The following FRMD4B variants were observed in gnomAD, a reference collection of about 807,000 sequenced individuals.
The protein encoded by FRMD4B is FERM domain-containing protein 4B.
FRMD4B carries 74 observed loss-of-function variants against 141.5 expected under a neutral mutation model. The observed-to-expected ratio is 0.52, with a 90% confidence interval of 0.43 to 0.63. FRMD4B has a LOEUF of 0.63. Among genes scored for constraint, FRMD4B ranks in the 30% least tolerant of loss-of-function variants. The pLI, the probability that FRMD4B is intolerant of heterozygous loss-of-function variation, is 0.00. For missense variants in FRMD4B, 1,366 were observed against 1,253.4 expected (o/e 1.09, Z -1.36); for synonymous variants, 506 against 467.9 (o/e 1.08, Z -1.05).
intron 1 of FRMD4B, among the ~76,000 whole-genome samples, chr3:69,338,703 G>A (rs749553903): frequency 6.6e-6 from 1 of 151,924 alleles, no homozygotes; most frequent in African/African-American, 2.4e-5. Context: ...GTAGGAGGAG[G>A]GTGAGGATCA....
chr3:69,465,350 C>T (rs1259803155), intron 1 of FRMD4B, among the ~76,000 whole-genome samples: 1 of 149,966 alleles, frequency 6.7e-6, no homozygotes, highest in East Asian at 2.0e-4. Flanking sequence ...TCAGGAAATA[C>T]AGAATTCCAT....
intron 17 of FRMD4B, 51 bp downstream of exon 17, chr3:69,193,597 A>G (rs2107642626): frequency 1.0e-6 from 1 of 966,438 alleles, no homozygotes; most frequent in African/African-American, 1.7e-5. Flanking sequence ...GCTATATACC[A>G]TGAAGTACTG....
At chr3:69,530,221 C>T (rs1700991881) in intron 1 of FRMD4B, among the ~76,000 whole-genome samples, 1 of 152,196 alleles carries the variant, frequency 6.6e-6, no homozygotes, top group Admixed American at 6.5e-5. Context: ...TTGTTTGTCC[C>T]CACCAAATCT....
At chr3:69,477,183 G>A (rs1401516043) in intron 1 of FRMD4B, among the ~76,000 whole-genome samples, 1 of 152,062 alleles carries the variant, frequency 6.6e-6, no homozygotes, top group Non-Finnish European at 1.5e-5. Context: ...TTTCCTAATT[G>A]AATACCCTTT....
chr3:69,434,195 A>C (rs1705225263), intron 1 of FRMD4B, among the ~76,000 whole-genome samples: 1 of 152,228 alleles, frequency 6.6e-6, no homozygotes, highest in Non-Finnish European at 1.5e-5. Context: ...CAAAGACTAC[A>C]CAGCTGCTGT....
chr3:69,171,569 G>A lies in FRMD4B; in HGVS notation c.*292C>T. 4.0e-6 allele frequency: 1 copy of A among 251,412 alleles called. No homozygotes were observed. Among genetic ancestry groups the A allele is most frequent in the South Asian group, 7.8e-5 (1 of 12,848 alleles). The allele number at this position is 251,412 out of a possible 1,614,324, so 15.6% of individuals were successfully genotyped here. On this transcript the variant is annotated 3_prime_UTR_variant, in exon 23 of 23. Transcript: ENST00000398540. ...AACAACTTTTACTCCCTTAAAAAGT[G>A]CTTGCTATTGATGAAGGCTTCACAC...
intron 2 of FRMD4B, among the ~76,000 whole-genome samples, chr3:69,397,751 G>A (rs1159269367): frequency 6.6e-6 from 1 of 151,454 alleles, no homozygotes; most frequent in Non-Finnish European, 1.5e-5. Context: ...AATTAGTACA[G>A]GGTTTTTTTT....
chr3:69,484,347 G>A (rs774115102), intron 1 of FRMD4B, among the ~76,000 whole-genome samples: 4 of 152,134 alleles, frequency 2.6e-5, no homozygotes, highest in Non-Finnish European at 5.9e-5. Flanking sequence ...AATTCTACCA[G>A]GTGCTATTAT....
chr3:69,265,185 G>A (rs1251052893), intron 5 of FRMD4B, among the ~76,000 whole-genome samples: 1 of 138,094 alleles, frequency 7.2e-6, no homozygotes, highest in African/African-American at 2.7e-5. Context: ...AACCCAGGAG[G>A]TGGAGCTTGC....
In FRMD4B at chr3:69,198,992, C is replaced by T. The variant is rs763828954; in HGVS notation, c.877-218G>A. ...TTTAACTATTAAGATTCACCTCGGC[C>T]GGGCGCGGTGGCTCACGCCTGTAAT... On this transcript the variant is annotated intron_variant, in intron 11 of 22. Coordinates refer to ENST00000398540, the MANE Select transcript of FRMD4B (RefSeq NM_015123.3). 21 of 498,484 alleles carry T rather than the reference C, an allele frequency of 4.2e-5. 1 individual carries two copies. Among genetic ancestry groups the T allele is most frequent in the South Asian group, 1.8e-4 (8 of 44,004 alleles). 30.9% of individuals were successfully genotyped at this position (498,484 alleles called of 1,614,324 possible).
chr3:69,399,448 C>T (rs1158106047), intron 2 of FRMD4B, among the ~76,000 whole-genome samples: 3 of 152,130 alleles, frequency 2.0e-5, no homozygotes, highest in Non-Finnish European at 4.4e-5. Flanking sequence ...ATTCTATCTG[C>T]GGTGAAGTCT....
chr3:69,441,208 T>C (rs569133389), intron 1 of FRMD4B, among the ~76,000 whole-genome samples: 180 of 152,352 alleles, frequency 1.2e-3, no homozygotes, highest in Non-Finnish European at 2.3e-3. Flanking sequence ...TCCTGGACTT[T>C]TATTGTATGT....
intron 1 of FRMD4B, chr3:69,432,860 C>T (rs1255568011): frequency 6.6e-6 from 1 of 152,184 alleles, no homozygotes; most frequent in Non-Finnish European, 1.5e-5. Flanking sequence ...TTCTAATTTT[C>T]CCCTGGCTGA....
intron 5 of FRMD4B, among the ~76,000 whole-genome samples, chr3:69,264,586 A>G (rs1278769358): frequency 6.6e-6 from 1 of 152,192 alleles, no homozygotes; most frequent in Non-Finnish European, 1.5e-5. Context: ...CTAGACAGCA[A>G]TTCTAGATAA....
intron 7 of FRMD4B, among the ~76,000 whole-genome samples, chr3:69,247,957 A>G (rs1454809239): frequency 4.9e-5 from 7 of 142,678 alleles, no homozygotes; most frequent in Non-Finnish European, 1.1e-4. Flanking sequence ...CCACCCAGCT[A>G]ATTTTTATAT....
intron 1 of FRMD4B, among the ~76,000 whole-genome samples, chr3:69,473,231 C>T (rs900348876): frequency 6.6e-6 from 1 of 151,964 alleles, no homozygotes; most frequent in Non-Finnish European, 1.5e-5. Flanking sequence ...TACTCCATAC[C>T]TCCAGCAAGC....
chr3:69,386,140 T>A, upstream of FRMD4B: 1 of 699,982 alleles, frequency 1.4e-6, no homozygotes, highest in Non-Finnish European at 2.3e-6. Context: ...CCGTGCGTCC[T>A]GGCCAGGCTC....
intron 2 of FRMD4B, among the ~76,000 whole-genome samples, chr3:69,429,340 T>C (rs1173155686): frequency 2.6e-5 from 4 of 152,246 alleles, no homozygotes; most frequent in Admixed American, 2.6e-4. Flanking sequence ...CCAAGTTAAC[T>C]TCTAAAAATA....
intron 5 of FRMD4B, among the ~76,000 whole-genome samples, chr3:69,286,903 C>T (rs1009000029): frequency 2.0e-5 from 3 of 152,208 alleles, no homozygotes; most frequent in Non-Finnish European, 4.4e-5. Context: ...CTCCAGGGTC[C>T]AAGTGATTCT....
Sources: allele counts gnomAD v4.1 joint callset (sites outside exome capture counted in the v4.1 genomes callset), GRCh38; gene constraint gnomAD v4.1.1; transcripts MANE v1.5; gene names NCBI Gene and HGNC (gene_info 2026-07-23, HGNC 2026-07-21).